Variants in NUP88 observed in about 807,000 individuals in gnomAD.
NUP88 encodes the protein nucleoporin 88.
Under a neutral mutation model 93.9 loss-of-function variants are expected in NUP88, and 57 were observed. That is an observed-to-expected ratio of 0.61 (90% CI 0.49 to 0.76). NUP88 has a LOEUF of 0.76. NUP88 is among the 30% of genes least tolerant of loss of function. The pLI is 0.00. For missense variants in NUP88, 911 were observed against 901.0 expected (o/e 1.01, Z -0.14); for synonymous variants, 346 against 336.8 (o/e 1.03, Z -0.30).
At chr17:5,397,849 T>TC (rs1912874834) in intron 8 of NUP88, among the ~76,000 whole-genome samples, 1 of 152,066 alleles carries the variant, frequency 6.6e-6, no homozygotes, top group Non-Finnish European at 1.5e-5. Context: ...GCTAGATTTT[T>TC]TTTAACTGCT....
intron 12 of NUP88, 52 bp downstream of exon 12, chr17:5,387,727 A>G (rs1026879590): frequency 3.7e-6 from 6 of 1,607,602 alleles, no homozygotes; most frequent in Non-Finnish European, 4.3e-6. Context: ...GCTACCATAC[A>G]GCATCAGCTA....
chr17:5,407,394 C>T (rs1356429702), intron 5 of NUP88, among the ~76,000 whole-genome samples: 1 of 152,150 alleles, frequency 6.6e-6, no homozygotes, highest in Non-Finnish European at 1.5e-5. Context: ...AGTTGTATGC[C>T]CTTCTGGTAG....
At chr17:5,416,366 C>A in intron 2 of NUP88, 147 bp downstream of exon 2, 1 of 529,342 alleles carries the variant, frequency 1.9e-6, no homozygotes, top group Non-Finnish European at 3.2e-6. Flanking sequence ...ATACTATGAA[C>A]ATTGATAACA....
chr17:5,399,547 C>T lies in NUP88; in HGVS notation c.1291+5G>A, dbSNP rs1913014188. On this transcript the variant is annotated splice_donor_5th_base_variant and intron_variant, in intron 8 of 16. Coordinates refer to ENST00000573584, the MANE Select transcript of NUP88 (RefSeq NM_002532.6). The stretch of plus-strand genomic sequence containing the variant: ...ATTAAAAGTGCAGAGAGTTAGTAAA[C>T]TCACCTGATCCAAGAAATTTGTGAA... 2 of 1,518,238 alleles carry T rather than the reference C, an allele frequency of 1.3e-6. No homozygotes were observed. Among genetic ancestry groups the T allele is most frequent in the Non-Finnish European group, 1.8e-6 (2 of 1,097,594 alleles). The allele number at this position is 1,518,238 out of a possible 1,614,324, so 94.0% of individuals were successfully genotyped here. A position where few individuals can be genotyped will look rare whatever the true frequency, so the allele number is the denominator to read the frequency against.
intron 8 of NUP88, among the ~76,000 whole-genome samples, chr17:5,395,615 G>C (rs1195795414): frequency 6.6e-6 from 1 of 151,258 alleles, no homozygotes; most frequent in African/African-American, 2.4e-5. Flanking sequence ...TGCAACCTCC[G>C]GCTTCTGGGT....
At position 5,393,298 on chromosome 17, in the gene NUP88, T is replaced by C. The variant is rs1260986381; in HGVS notation, c.1382+1593A>G. 2.0e-5 allele frequency among the ~76,000 whole-genome samples: 3 copies of C among 151,870 alleles called. No individual in the cohort carries two copies. The East Asian group carries it at 5.8e-4, about 29-fold the overall frequency. On this transcript the variant is annotated intron_variant, in intron 9 of 16. Coordinates refer to ENST00000573584, the MANE Select transcript of NUP88 (RefSeq NM_002532.6). ...AATTTTTTTGTAAAGGGTCTCACTATGTTGCCCAGGCTGGTCTCAAACTCC... is the reference window on the plus strand; with the variant it reads ...AATTTTTTTGTAAAGGGTCTCACTACGTTGCCCAGGCTGGTCTCAAACTCC...
rs1055738144 is a variant in NUP88 at position 5,387,295 on chromosome 17, C to T, written c.1916+91G>A. On this transcript the variant is annotated intron_variant, in intron 14 of 16. Coordinates refer to ENST00000573584, the MANE Select transcript of NUP88 (RefSeq NM_002532.6). The stretch of plus-strand genomic sequence containing the variant: ...AGAGGCAGGGGGATCAGTTCAGTTC[C>T]GTAGGTATGTAAGCACCTGCCAATG... 2.4e-5 allele frequency: 31 copies of T among 1,293,386 alleles called. No individual in the cohort carries two copies. The East Asian group carries it at 3.0e-4, about 13-fold the overall frequency. 80.1% of individuals were successfully genotyped at this position (1,293,386 alleles called of 1,614,324 possible).
intron 8 of NUP88, among the ~76,000 whole-genome samples, chr17:5,398,359 G>C (rs888292875): frequency 9.2e-5 from 14 of 151,942 alleles, no homozygotes; most frequent in African/African-American, 3.4e-4. Context: ...GCACGATATC[G>C]GCTCACTGCA....
In NUP88 at chr17:5,405,118, G is replaced by A. The variant is rs139243721; in HGVS notation, c.983C>T (p.Thr328Ile). 56 of 1,614,152 alleles carry A rather than the reference G, an allele frequency of 3.5e-5. No homozygotes were observed. In the African/African-American group the frequency reaches 7.1e-4, roughly 20 times the overall value. ...PCVPNILVIATESGMLYHCVV... is the reference protein window; with the variant it reads ...PCVPNILVIAIESGMLYHCVV... ...ACAGTGATACAGCATTCCTGATTCA[G>A]TAGCGATCACTAAGATATTGGGGAC... The change falls in exon 6 of 17, where the codon ACT becomes ATT. Residue 328 changes from threonine (T) to isoleucine (I), a missense_variant. Thr to Ile is a moderately conservative substitution (Grantham distance 89). Transcript: ENST00000573584.
chr17:5,419,541 G>A lies in NUP88; in HGVS notation c.110C>T (p.Thr37Ile). The part of the protein sequence containing the change: ...LREGLKNQSP[T>I]EAEKPASSSL... Reference sequence around the variant, plus strand: ...CGAAGAAGCTGGTTTCTCAGCTTCGGTTGGACTCTGGTTTTTCAGTCCCTC... The same window carrying A: ...CGAAGAAGCTGGTTTCTCAGCTTCGATTGGACTCTGGTTTTTCAGTCCCTC... The change falls in exon 1 of 17, where the codon ACC (threonine) becomes ATC (isoleucine). Residue 37 changes from threonine to isoleucine, a missense_variant. Physicochemically the swap from Thr to Ile is moderately conservative, Grantham distance 89. Coordinates refer to ENST00000573584, the MANE Select transcript of NUP88 (RefSeq NM_002532.6). 6.2e-7 allele frequency: 1 copy of A among 1,613,578 alleles called. No homozygotes were observed.
intron 9 of NUP88, 81 bp from the exon 10 acceptor site, chr17:5,391,743 C>T: frequency 8.8e-7 from 1 of 1,137,924 alleles, no homozygotes; most frequent in South Asian, 1.3e-5. Flanking sequence ...GGTCCGCGGC[C>T]TTCTCAGGCC....
chr17:5,398,616 A>C lies in NUP88; in HGVS notation c.1291+936T>G, dbSNP rs540721844. ...TAACTTTTTTTTTTTTTTGAGACAG[A>C]GTCTCGCTCTGTCGCCTGGGCTGGA... On this transcript the variant is annotated intron_variant, in intron 8 of 16. Coordinates refer to ENST00000573584, the MANE Select transcript of NUP88 (RefSeq NM_002532.6). Among the ~76,000 whole-genome samples the C allele has an allele frequency of 2.7e-5, 4 of 146,070 alleles. No individual in the cohort carries two copies. In the South Asian group the frequency reaches 8.6e-4, roughly 32 times the overall value.
chr17:5,415,018 TTTTA>T (rs1017804675), intron 2 of NUP88, among the ~76,000 whole-genome samples: 9 of 151,342 alleles, frequency 5.9e-5, no homozygotes, highest in South Asian at 4.2e-4. Flanking sequence ...TTTATTTAAA[TTTTA>T]TTTGTTTATT....
chr17:5,390,077 A>G (rs1912313529), intron 10 of NUP88, among the ~76,000 whole-genome samples: 1 of 151,332 alleles, frequency 6.6e-6, no homozygotes, highest in South Asian at 2.1e-4. Context: ...AGGCAGGAGA[A>G]TCACTTGAAC....
rs1914451736 is a variant in NUP88, at chr17:5,419,412, A to G, written c.239T>C (p.Val80Ala). 5 of 1,612,792 alleles carry G rather than the reference A, an allele frequency of 3.1e-6. No individual in the cohort carries two copies. The highest frequency in any genetic ancestry group is 3.4e-6 in the Non-Finnish European group (4 of 1,179,160). Residue 80 changes from valine (V) to alanine (A), a missense_variant, in exon 1 of 17, where the codon GTC (valine) becomes GCC (alanine). By Grantham distance (64) the Val-to-Ala change is moderately conservative (BLOSUM62 0). Transcript: ENST00000573584. ...LWDGEDSSFL[V>A]VRLRGPSGGG... ...GCCGCTGGGGCCCCGAAGGCGAACG[A>G]CTAAGAAGGAGCTGTCTTCTCCGTC...
intron 9 of NUP88, among the ~76,000 whole-genome samples, chr17:5,392,557 CT>C (rs1472442582): frequency 3.9e-5 from 6 of 152,170 alleles, no homozygotes; most frequent in Admixed American, 2.6e-4. Context: ...CTACACACTA[CT>C]GGGCTATACA....
intron 5 of NUP88, among the ~76,000 whole-genome samples, chr17:5,407,063 G>C (rs151033271): frequency 2.6e-5 from 4 of 152,236 alleles, no homozygotes; most frequent in Non-Finnish European, 4.4e-5. Context: ...AGGTACTAAA[G>C]TTACCACAAA....
chr17:5,412,663 C>A (rs937246555), intron 3 of NUP88, among the ~76,000 whole-genome samples: 2 of 152,040 alleles, frequency 1.3e-5, no homozygotes, highest in Non-Finnish European at 2.9e-5. Flanking sequence ...CCCACCCCCC[C>A]ACATACACAC....
intron 12 of NUP88, 40 bp downstream of exon 12, chr17:5,387,739 C>T: frequency 6.2e-7 from 1 of 1,608,106 alleles, no homozygotes; most frequent in Non-Finnish European, 8.5e-7. Context: ...CATCAGCTAC[C>T]AGCCAGGGAT....
Sources: allele counts gnomAD v4.1 joint callset (sites outside exome capture counted in the v4.1 genomes callset), GRCh38; gene constraint gnomAD v4.1.1; transcripts MANE v1.5; gene names NCBI Gene and HGNC (gene_info 2026-07-23, HGNC 2026-07-21).